The following OSBPL10 variants were observed in gnomAD, a reference collection of about 807,000 sequenced individuals.
OSBPL10 encodes oxysterol-binding protein-related protein 10.
In OSBPL10, 49 loss-of-function variants were observed where a neutral mutation model predicts 81.7. The observed-to-expected ratio is 0.60, with a 90% confidence interval of 0.48 to 0.76. OSBPL10 has a LOEUF of 0.76. Ranked by LOEUF, OSBPL10 falls within the 30% of genes least tolerant of loss-of-function variation. OSBPL10 has a pLI of 0.00. For missense variants in OSBPL10, 923 were observed against 987.8 expected (o/e 0.93, Z 0.88); for synonymous variants, 419 against 383.6 (o/e 1.09, Z -1.08).
chr3:31,867,047 C>G (rs1230442529), intron 3 of OSBPL10, among the ~76,000 whole-genome samples: 1 of 152,126 alleles, frequency 6.6e-6, no homozygotes, highest in African/African-American at 2.4e-5. Context: ...TTTAGAATTA[C>G]CTAGCAAGGA....
chr3:31,940,040 T>C (rs1478162148), intron 1 of OSBPL10, among the ~76,000 whole-genome samples: 1 of 152,166 alleles, frequency 6.6e-6, no homozygotes, highest in Non-Finnish European at 1.5e-5. Flanking sequence ...TATTCTTTAA[T>C]AGACAGCCAG....
intron 7 of OSBPL10, 69 bp from the exon 8 acceptor site, chr3:31,684,183 A>G (rs1393646967): frequency 6.4e-7 from 1 of 1,570,886 alleles, no homozygotes; most frequent in African/African-American, 1.4e-5. Context: ...AGAAAGGTAA[A>G]GGCTGCAACC....
chr3:31,984,798 C>G (rs753061706), upstream of OSBPL10, among the ~76,000 whole-genome samples: 1 of 152,204 alleles, frequency 6.6e-6, no homozygotes, highest in African/African-American at 2.4e-5. Context: ...TAGGGTTAGA[C>G]TATGAACTAA....
chr3:31,780,087 T>C (rs1010738605), intron 4 of OSBPL10, among the ~76,000 whole-genome samples: 1 of 152,020 alleles, frequency 6.6e-6, no homozygotes, highest in African/African-American at 2.4e-5. Context: ...GGTCAGGCAA[T>C]CGAGACCATC....
chr3:31,725,297 C>A (rs1174086762), intron 6 of OSBPL10, among the ~76,000 whole-genome samples: 2 of 152,132 alleles, frequency 1.3e-5, no homozygotes, highest in Non-Finnish European at 2.9e-5. Context: ...TTAAGCATAA[C>A]AACATTATGG....
intron 2 of OSBPL10, among the ~76,000 whole-genome samples, chr3:32,023,311 T>C (rs898719803): frequency 6.6e-6 from 1 of 152,146 alleles, no homozygotes; most frequent in Admixed American, 6.5e-5. Context: ...CATGGTCTTA[T>C]AAGGGGGAGT....
intron 1 of OSBPL10, among the ~76,000 whole-genome samples, chr3:31,896,657 C>A (rs1696067638): frequency 6.6e-6 from 1 of 152,248 alleles, no homozygotes; most frequent in South Asian, 2.1e-4. Context: ...ACATCATTGT[C>A]ATGGGCAGAT....
In OSBPL10 at chr3:31,678,087, C is replaced by CAAAAAAAAAAAAA. The variant is rs1174037204; in HGVS notation, c.1726+5534_1726+5546dup. 6.8e-4 allele frequency among the ~76,000 whole-genome samples: 52 copies of CAAAAAAAAAAAAA among 76,640 alleles called. 1 individual carries two copies. Among genetic ancestry groups the CAAAAAAAAAAAAA allele is most frequent in the African/African-American group, 2.7e-3 (50 of 18,272 alleles). The allele number at this position is 76,640 out of a possible 152,430, so 50.3% of individuals were successfully genotyped here. ...TGGGCGACAGAGCGAGACTCCGTCTCAAAAAAAAAAAAAAAAAAAAAGACA... is the reference window on the plus strand; with the variant it reads ...TGGGCGACAGAGCGAGACTCCGTCTCAAAAAAAAAAAAAAAAAAAAAAAAAAAAAAAAAAGACA... On this transcript the variant is annotated intron_variant, in intron 8 of 11. Coordinates refer to ENST00000396556, the MANE Select transcript of OSBPL10 (RefSeq NM_017784.5).
chr3:31,762,849 C>T (rs1017010205), intron 4 of OSBPL10, among the ~76,000 whole-genome samples: 1 of 151,862 alleles, frequency 6.6e-6, no homozygotes. Context: ...TTTGCGGATG[C>T]GAGGTGTCAG....
At chr3:31,946,204 C>T (rs59352286) in intron 1 of OSBPL10, among the ~76,000 whole-genome samples, 46,163 of 151,652 alleles carry the variant, frequency 0.3, 10,218 homozygotes, top group African/African-American at 0.62. Flanking sequence ...GGTCTCGAAC[C>T]CCTGATCTCA....
chr3:31,724,991 G>A (rs1341495810), intron 6 of OSBPL10, among the ~76,000 whole-genome samples: 1 of 150,700 alleles, frequency 6.6e-6, no homozygotes, highest in African/African-American at 2.4e-5. Flanking sequence ...CAGCCACACG[G>A]CACCAGGACC....
chr3:32,054,526 C>CTTTTTTTTTTTTTTT (rs755489489), intron 1 of OSBPL10, among the ~76,000 whole-genome samples: 3 of 86,604 alleles, frequency 3.5e-5, no homozygotes, highest in Admixed American at 1.9e-4. Flanking sequence ...TCAATGGTGG[C>CTTTTTTTTTTTTTTT]TTTTTTTTTT....
At chr3:31,685,348 A>G (rs1700764429) in intron 7 of OSBPL10, among the ~76,000 whole-genome samples, 1 of 152,172 alleles carries the variant, frequency 6.6e-6, no homozygotes, top group Non-Finnish European at 1.5e-5. Flanking sequence ...GACTACAGGC[A>G]CATGCCACCA....
intron 1 of OSBPL10, among the ~76,000 whole-genome samples, chr3:32,055,464 G>A (rs766689358): frequency 6.6e-5 from 10 of 151,896 alleles, no homozygotes; most frequent in African/African-American, 2.4e-4. Context: ...CCAAAGTGCT[G>A]GGATTACAGG....
intron 4 of OSBPL10, among the ~76,000 whole-genome samples, chr3:31,759,107 T>C (rs978509787): frequency 3.3e-5 from 5 of 152,208 alleles, no homozygotes; most frequent in African/African-American, 7.2e-5. Context: ...TTTGTCAGAA[T>C]TGAATAACAT....
At chr3:31,833,219 A>AT (rs1256965232) in intron 3 of OSBPL10, among the ~76,000 whole-genome samples, 2 of 152,084 alleles carry the variant, frequency 1.3e-5, no homozygotes, top group African/African-American at 4.8e-5. Flanking sequence ...GAAAAGGCAG[A>AT]TTTTTCCCTG....
intron 6 of OSBPL10, among the ~76,000 whole-genome samples, chr3:31,722,148 A>AT (rs1015423850): frequency 3.3e-5 from 5 of 152,070 alleles, no homozygotes; most frequent in Non-Finnish European, 5.9e-5. Context: ...AGACTTAGAA[A>AT]TTTTTTTTAA....
rs558663980 is a variant in OSBPL10, at chr3:31,815,025, A to G, written c.729+15015T>C. Among the ~76,000 whole-genome samples the G allele has an allele frequency of 7.4e-4, 112 of 152,156 alleles. 1 individual carries two copies. Among genetic ancestry groups the G allele is most frequent in the African/African-American group, 2.5e-3 (104 of 41,528 alleles). ...AGGCCCAGGTTTTAAGAAACTAGCA[A>G]CTTCTGCTCTCTATCCCCGGAGCGC... On this transcript the variant is annotated intron_variant, in intron 4 of 11. Coordinates refer to ENST00000396556, the MANE Select transcript of OSBPL10 (RefSeq NM_017784.5).
intron 2 of OSBPL10, among the ~76,000 whole-genome samples, chr3:32,026,035 G>A (rs539398598): frequency 4.0e-4 from 49 of 122,990 alleles, no homozygotes; most frequent in African/African-American, 1.6e-3. Flanking sequence ...TAGATAGATA[G>A]ATAGATAGAT....
Sources: allele counts gnomAD v4.1 joint callset (sites outside exome capture counted in the v4.1 genomes callset), GRCh38; gene constraint gnomAD v4.1.1; transcripts MANE v1.5; gene names NCBI Gene and HGNC (gene_info 2026-07-23, HGNC 2026-07-21).